GPATCH2: variants seen among roughly 807,000 people sequenced by gnomAD.
The protein encoded by GPATCH2 is G patch domain-containing protein 2.
GPATCH2 carries 51 observed loss-of-function variants against 58.0 expected under a neutral mutation model. The observed-to-expected ratio is 0.88, with a 90% confidence interval of 0.70 to 1.11. GPATCH2 has a LOEUF of 1.11. Ranked by LOEUF, GPATCH2 falls within the 50% of genes most tolerant of loss-of-function variation. The pLI, the probability that GPATCH2 is intolerant of heterozygous loss-of-function variation, is 0.00. For missense variants in GPATCH2, 625 were observed against 652.2 expected (o/e 0.96, Z 0.45); for synonymous variants, 222 against 218.5 (o/e 1.02, Z -0.14).
intron 2 of GPATCH2, among the ~76,000 whole-genome samples, chr1:217,616,462 G>C (rs17046653): frequency 4.6e-5 from 7 of 151,988 alleles, no homozygotes; most frequent in Admixed American, 6.6e-5. Flanking sequence ...CCAAGCTCTT[G>C]AAGATATAAG....
rs1658477843 is a variant in GPATCH2 at position 217,430,389 on chromosome 1, A to T, written c.*756T>A. 6.6e-6 allele frequency: 1 copy of T among 152,244 alleles called. No homozygotes were observed. The highest frequency in any genetic ancestry group is 1.9e-4 in the East Asian group (1 of 5,204). The allele number at this position is 152,244 out of a possible 1,614,324, so 9.4% of individuals were successfully genotyped here. On this transcript the variant is annotated 3_prime_UTR_variant, in exon 10 of 10. Coordinates refer to ENST00000366935, the MANE Select transcript of GPATCH2 (RefSeq NM_018040.5). ...CTGGATTAATAGAATTTACAGTTCA[A>T]TCACGGTGAATTTAAAAAATACATT... is the stretch of plus-strand genomic sequence containing the variant.
chr1:217,620,879 C>T (rs1669153789), intron 1 of GPATCH2, among the ~76,000 whole-genome samples: 1 of 152,178 alleles, frequency 6.6e-6, no homozygotes, highest in Non-Finnish European at 1.5e-5. Context: ...TTCTCAGTCC[C>T]CTCTTCGCCC....
chr1:217,450,252 A>G (rs1659599142), intron 8 of GPATCH2, among the ~76,000 whole-genome samples: 1 of 152,090 alleles, frequency 6.6e-6, no homozygotes, highest in Non-Finnish European at 1.5e-5. Flanking sequence ...ATGACAACCC[A>G]TGTTCTTTTA....
chr1:217,617,979 G>C (rs570938879), intron 2 of GPATCH2, among the ~76,000 whole-genome samples: 1 of 152,094 alleles, frequency 6.6e-6, no homozygotes, highest in African/African-American at 2.4e-5. Context: ...AAAAGGGGGG[G>C]AGCTTGCACA....
At chr1:217,573,420 A>G (rs1666658705) in intron 5 of GPATCH2, among the ~76,000 whole-genome samples, 1 of 152,190 alleles carries the variant, frequency 6.6e-6, no homozygotes, top group Admixed American at 6.5e-5. Context: ...AACAGTTTTC[A>G]ACTCTTTAAT....
intron 6 of GPATCH2, among the ~76,000 whole-genome samples, chr1:217,506,275 G>A (rs1290003195): frequency 6.6e-6 from 1 of 152,058 alleles, no homozygotes; most frequent in African/African-American, 2.4e-5. Context: ...CTTTGGAAAT[G>A]GTATACAGTC....
rs148160901 is a variant in GPATCH2, at chr1:217,510,368, T to C, written c.1166+4454A>G. 9.2e-3 allele frequency among the ~76,000 whole-genome samples: 1,404 copies of C among 152,006 alleles called. 20 individuals are homozygous for C. Among genetic ancestry groups the C allele is most frequent in the African/African-American group, 0.031 (1,290 of 41,514 alleles). ...TTGTGATTTGATATCCTCCACCATT[T>C]ATTTAAAACAAAAACCAAACCAGGA... On this transcript the variant is annotated intron_variant, in intron 6 of 9. Coordinates refer to ENST00000366935, the MANE Select transcript of GPATCH2 (RefSeq NM_018040.5).
intron 5 of GPATCH2, among the ~76,000 whole-genome samples, chr1:217,572,000 A>AAGGAAGGAAG (rs1666583220): frequency 3.0e-5 from 4 of 135,134 alleles, no homozygotes; most frequent in African/African-American, 1.1e-4. Flanking sequence ...AAGGAAGGAA[A>AAGGAAGGAAG]GAAGGAAGGA....
At position 217,520,423 on chromosome 1, in the gene GPATCH2, G is replaced by A. The variant is rs1462007680; in HGVS notation, c.1099-5534C>T. Among the ~76,000 whole-genome samples the A allele has an allele frequency of 3.3e-5, 5 of 152,178 alleles. No homozygotes were observed. The Middle Eastern group carries it at 0.01, about 311-fold the overall frequency. On this transcript the variant is annotated intron_variant, in intron 5 of 9. Coordinates refer to ENST00000366935, the MANE Select transcript of GPATCH2 (RefSeq NM_018040.5). ...TTGGAATTTTATAAAATCTAATAAC[G>A]GTACAAAAAGGCCCATCAGGTTCCT...
At chr1:217,592,400 C>A (rs951406784) in intron 5 of GPATCH2, among the ~76,000 whole-genome samples, 3 of 151,882 alleles carry the variant, frequency 2.0e-5, no homozygotes, top group Non-Finnish European at 4.4e-5. Flanking sequence ...TTCTCACTTT[C>A]ATTTTTAAAA....
At chr1:217,538,105 T>G (rs568220719) in intron 5 of GPATCH2, among the ~76,000 whole-genome samples, 5 of 152,286 alleles carry the variant, frequency 3.3e-5, no homozygotes, top group African/African-American at 1.2e-4. Context: ...CTAAAAAATC[T>G]ACATCCATTT....
chr1:217,439,703 T>C (rs140317714), intron 9 of GPATCH2, among the ~76,000 whole-genome samples: 2,343 of 152,130 alleles, frequency 0.015, 22 homozygotes, highest in African/African-American at 0.035. Context: ...ATCCCACAGA[T>C]ATACAAAATA....
At chr1:217,520,523 T>C (rs1663398834) in intron 5 of GPATCH2, among the ~76,000 whole-genome samples, 1 of 152,216 alleles carries the variant, frequency 6.6e-6, no homozygotes, top group Non-Finnish European at 1.5e-5. Context: ...ACTGTATGAC[T>C]TTTAGGAAAA....
At chr1:217,564,045 GAAAAAAAAAA>G (rs59348467) in intron 5 of GPATCH2, among the ~76,000 whole-genome samples, 7 of 58,214 alleles carry the variant, frequency 1.2e-4, no homozygotes, top group Non-Finnish European at 2.0e-4. Flanking sequence ...ACTCCGTCTC[GAAAAAAAAAA>G]AAAAAAAAAA....
At chr1:217,624,306 C>T (rs1421475033) in intron 1 of GPATCH2, among the ~76,000 whole-genome samples, 1 of 152,134 alleles carries the variant, frequency 6.6e-6, no homozygotes, top group Non-Finnish European at 1.5e-5. Flanking sequence ...TCACTTGAGA[C>T]CAGGAGTTCA....
intron 9 of GPATCH2, among the ~76,000 whole-genome samples, chr1:217,433,119 C>G (rs66881103): frequency 6.6e-6 from 1 of 151,960 alleles, no homozygotes. Context: ...TCTTCCCTGA[C>G]TCAGGATTAT....
intron 5 of GPATCH2, among the ~76,000 whole-genome samples, chr1:217,548,373 T>C (rs905223380): frequency 2.6e-5 from 4 of 152,214 alleles, no homozygotes; most frequent in African/African-American, 9.6e-5. Flanking sequence ...AGTTTACCTA[T>C]GTAACAAACC....
intron 5 of GPATCH2, among the ~76,000 whole-genome samples, chr1:217,567,219 T>C (rs1666293012): frequency 6.6e-6 from 1 of 152,034 alleles, no homozygotes; most frequent in African/African-American, 2.4e-5. Context: ...GCTAATTTTG[T>C]ATTTTTACTA....
intron 8 of GPATCH2, among the ~76,000 whole-genome samples, chr1:217,458,209 A>G (rs1660043521): frequency 6.6e-6 from 1 of 152,120 alleles, no homozygotes; most frequent in Non-Finnish European, 1.5e-5. Context: ...CTGCTTGGGA[A>G]ACAGAGCGAA....
Sources: allele counts gnomAD v4.1 joint callset (sites outside exome capture counted in the v4.1 genomes callset), GRCh38; gene constraint gnomAD v4.1.1; transcripts MANE v1.5; gene names NCBI Gene and HGNC (gene_info 2026-07-23, HGNC 2026-07-21).